Variants in SPAG16 observed in about 807,000 individuals in gnomAD.
SPAG16 encodes sperm-associated antigen 16 protein.
A neutral mutation model predicts 80.4 loss-of-function variants in SPAG16; 86 were observed. That is an observed-to-expected ratio of 1.07 (90% CI 0.90 to 1.28). SPAG16 has a LOEUF of 1.28. SPAG16 is among the 50% of genes most tolerant of loss of function. The pLI is 0.00. For synonymous variants in SPAG16, 294 were observed against 265.9 expected, an observed-to-expected ratio of 1.11 and a Z score of -1.03; for missense variants, 870 against 765.3, an observed-to-expected ratio of 1.14 and a Z score of -1.61.
intron 7 of SPAG16, among the ~76,000 whole-genome samples, chr2:213,353,852 C>T (rs2125063346): frequency 6.6e-6 from 1 of 152,168 alleles, no homozygotes; most frequent in East Asian, 1.9e-4. Context: ...CCACTTTCAC[C>T]CTAAAAATAT....
At chr2:214,109,946 C>T (rs1015651193) in intron 14 of SPAG16, among the ~76,000 whole-genome samples, 1 of 152,064 alleles carries the variant, frequency 6.6e-6, no homozygotes, top group Non-Finnish European at 1.5e-5. Context: ...GTAAATCAGG[C>T]ATTTTATTTT....
chr2:213,745,707 A>G (rs1244794952), intron 10 of SPAG16, among the ~76,000 whole-genome samples: 1 of 152,224 alleles, frequency 6.6e-6, no homozygotes, highest in African/African-American at 2.4e-5. Flanking sequence ...TGTCTTTAGT[A>G]TATGGTGCTT....
At chr2:213,369,153 T>A (rs1325511126) in intron 8 of SPAG16, among the ~76,000 whole-genome samples, 1 of 152,190 alleles carries the variant, frequency 6.6e-6, no homozygotes, top group African/African-American at 2.4e-5. Context: ...AATGTAGACA[T>A]TTTAAGATGC....
chr2:214,192,771 A>T (rs1245797094), intron 15 of SPAG16, among the ~76,000 whole-genome samples: 1 of 152,140 alleles, frequency 6.6e-6, no homozygotes, highest in African/African-American at 2.4e-5. Flanking sequence ...TACTCTGTTT[A>T]CAAAATTGTG....
At chr2:213,364,006 T>C (rs987535864) in intron 7 of SPAG16, 70 bp from the exon 8 acceptor site, 11 of 578,344 alleles carry the variant, frequency 1.9e-5, no homozygotes, top group South Asian at 8.1e-5. Flanking sequence ...TATTTAAATA[T>C]TGTGTTTTAT....
intron 15 of SPAG16, among the ~76,000 whole-genome samples, chr2:214,189,251 A>G (rs2057581277): frequency 6.6e-6 from 1 of 152,122 alleles, no homozygotes; most frequent in Non-Finnish European, 1.5e-5. Context: ...AGCAAATGGA[A>G]CTAATGTGGA....
chr2:213,799,139 TG>T (rs2071223805), intron 10 of SPAG16, among the ~76,000 whole-genome samples: 1 of 152,196 alleles, frequency 6.6e-6, no homozygotes, highest in Non-Finnish European at 1.5e-5. Context: ...GAGATTCCAT[TG>T]AATCTATAGA....
intron 12 of SPAG16, among the ~76,000 whole-genome samples, chr2:213,979,250 TAAAA>T (rs537547069): frequency 0.013 from 1,983 of 150,622 alleles, 46 homozygotes; most frequent in African/African-American, 0.046. Flanking sequence ...CTTTTTAAAT[TAAAA>T]AAAAAGAAAT....
chr2:213,604,700 C>T (rs1256624846), intron 10 of SPAG16, among the ~76,000 whole-genome samples: 1 of 151,812 alleles, frequency 6.6e-6, no homozygotes, highest in African/African-American at 2.4e-5. Flanking sequence ...TTACCTTTCC[C>T]TTCTACAGTT....
At chr2:213,638,165 A>T (rs2062443097) in intron 10 of SPAG16, among the ~76,000 whole-genome samples, 1 of 152,116 alleles carries the variant, frequency 6.6e-6, no homozygotes, top group African/African-American at 2.4e-5. Flanking sequence ...CTAATAGTCT[A>T]TCAATTGTGT....
intron 11 of SPAG16, among the ~76,000 whole-genome samples, chr2:213,905,517 GA>G (rs1247182387): frequency 1.3e-5 from 2 of 152,156 alleles, no homozygotes; most frequent in African/African-American, 4.8e-5. Context: ...GGATTTTAGG[GA>G]ATTCAATATT....
At chr2:213,575,121 C>G (rs552716078) in intron 10 of SPAG16, among the ~76,000 whole-genome samples, 12 of 152,080 alleles carry the variant, frequency 7.9e-5, no homozygotes, top group Non-Finnish European at 1.5e-4. Flanking sequence ...ACTAGTATCT[C>G]TAAAGTCTTT....
At chr2:213,393,023 ATACT>A (rs2067843946) in intron 9 of SPAG16, among the ~76,000 whole-genome samples, 1 of 152,176 alleles carries the variant, frequency 6.6e-6, no homozygotes, top group Admixed American at 6.6e-5. Flanking sequence ...ATAAACAGAA[ATACT>A]TACATTATTA....
intron 12 of SPAG16, among the ~76,000 whole-genome samples, chr2:213,975,128 A>G (rs1423135985): frequency 6.6e-6 from 1 of 151,264 alleles, no homozygotes; most frequent in African/African-American, 2.4e-5. Context: ...GTAGATATCT[A>G]TCATAGGTCT....
chr2:214,298,124 A>ACT (rs1200654093), intron 15 of SPAG16, among the ~76,000 whole-genome samples: 5 of 47,682 alleles, frequency 1.0e-4, no homozygotes, highest in Admixed American at 2.7e-4. Context: ...ACACACACAC[A>ACT]CACACACACA....
chr2:213,759,660 A>G (rs1345990544), intron 10 of SPAG16, among the ~76,000 whole-genome samples: 1 of 152,190 alleles, frequency 6.6e-6, no homozygotes, highest in African/African-American at 2.4e-5. Context: ...ATTTAAGCAA[A>G]TCACTAAAGA....
At chr2:213,422,458 G>C (rs2069656914) in intron 9 of SPAG16, 1 of 581,234 alleles carries the variant, frequency 1.7e-6, no homozygotes, top group Admixed American at 2.8e-5. Context: ...TCACCTCTCT[G>C]CTCCTGGCTT....
intron 15 of SPAG16, among the ~76,000 whole-genome samples, chr2:214,193,821 A>T (rs935050813): frequency 1.1e-4 from 17 of 152,130 alleles, no homozygotes; most frequent in East Asian, 5.8e-4. Flanking sequence ...TATTGGTGCA[A>T]ATGTTCTCTC....
At chr2:213,477,081 G>T (rs2073443044) in intron 9 of SPAG16, among the ~76,000 whole-genome samples, 1 of 152,100 alleles carries the variant, frequency 6.6e-6, no homozygotes, top group African/African-American at 2.4e-5. Context: ...GCTCGAAAAA[G>T]GCATCATTTG....
Sources: allele counts gnomAD v4.1 joint callset (sites outside exome capture counted in the v4.1 genomes callset), GRCh38; gene constraint gnomAD v4.1.1; transcripts MANE v1.5; gene names NCBI Gene and HGNC (gene_info 2026-07-23, HGNC 2026-07-21).